Variants in MCM8 observed in about 807,000 individuals in gnomAD.
MCM8 encodes minichromosome maintenance 8 homologous recombination repair factor.
MCM8 carries 85 observed loss-of-function variants against 98.9 expected under a neutral mutation model. The observed-to-expected ratio is 0.86, with a 90% confidence interval of 0.72 to 1.03. The LOEUF is 1.03. MCM8 is among the 50% of genes least tolerant of loss of function. The probability of loss-of-function intolerance (pLI) is 0.00; values close to 1 mark genes in which losing one functional copy is unlikely to be tolerated. For synonymous variants in MCM8, 352 were observed against 338.6 expected (o/e 1.04, Z -0.44); for missense variants, 951 against 997.8 (o/e 0.95, Z 0.63).
At chr20:5,968,491 C>T (rs538540711) in intron 10 of MCM8, among the ~76,000 whole-genome samples, 1 of 152,190 alleles carries the variant, frequency 6.6e-6, no homozygotes, top group African/African-American at 2.4e-5. Context: ...TTGCAGTGAG[C>T]CAAGATCGTG....
chr20:5,975,806 T>TC (rs1464776103), intron 12 of MCM8, among the ~76,000 whole-genome samples: 27 of 152,134 alleles, frequency 1.8e-4, no homozygotes, highest in African/African-American at 6.5e-4. Flanking sequence ...TTTTTTTTTT[T>TC]TTAATAAATG....
intron 5 of MCM8, among the ~76,000 whole-genome samples, chr20:5,956,904 G>A (rs982090698): frequency 6.6e-6 from 1 of 151,952 alleles, no homozygotes; most frequent in African/African-American, 2.4e-5. Flanking sequence ...TAGCAGACTG[G>A]GATGCTGGAG....
chr20:5,959,106 C>A (rs948394744), intron 7 of MCM8, among the ~76,000 whole-genome samples: 1 of 151,746 alleles, frequency 6.6e-6, no homozygotes, highest in Non-Finnish European at 1.5e-5. Context: ...GTTTTTTTTC[C>A]CCTTTATTTC....
rs957723882 is a variant in MCM8, at chr20:5,998,285, A to T, written c.*3894A>T. 6.6e-6 allele frequency: 1 copy of T among 152,124 alleles called. No homozygotes were observed. Among genetic ancestry groups the T allele is most frequent in the African/African-American group, 2.4e-5 (1 of 41,438 alleles). 9.4% of individuals were successfully genotyped at this position (152,124 alleles called of 1,614,324 possible). ...GGGGCTGGAAGGTGAGAAAATAACCACATTTCCCAGACTCCCTTTGCAGGT... is the reference window on the plus strand; with the variant it reads ...GGGGCTGGAAGGTGAGAAAATAACCTCATTTCCCAGACTCCCTTTGCAGGT... On this transcript the variant is annotated 3_prime_UTR_variant, in exon 19 of 19. Coordinates refer to ENST00000610722, the MANE Select transcript of MCM8 (RefSeq NM_032485.6).
In MCM8 at chr20:5,994,486, C is replaced by G. The variant is rs1286284340; in HGVS notation, c.*95C>G. 74 of 504,870 alleles carry G rather than the reference C, an allele frequency of 1.5e-4. No homozygotes were observed. Among genetic ancestry groups the G allele is most frequent in the Admixed American group, 2.1e-4 (6 of 28,360 alleles). The allele number at this position is 504,870 out of a possible 1,614,324, so 31.3% of individuals were successfully genotyped here. On this transcript the variant is annotated 3_prime_UTR_variant, in exon 19 of 19. Transcript: ENST00000610722. ...GCACGCACAGACAGACAGACACACACACACACACACACACACACACACACA... is the reference window on the plus strand; with the variant it reads ...GCACGCACAGACAGACAGACACACAGACACACACACACACACACACACACA...
rs745340246 is a variant in MCM8, at chr20:5,995,752, A to G, written c.*1361A>G. The G allele has an allele frequency of 2.6e-5, 4 of 152,228 alleles. No homozygotes were observed. The highest frequency in any genetic ancestry group is 5.9e-5 in the Non-Finnish European group (4 of 68,042). 9.4% of individuals were successfully genotyped at this position (152,228 alleles called of 1,614,324 possible). ...ATGTTACAGGGTTGCCAGCCAAACT[A>G]TCAATCATGTATAAATCCAACAAAC... On this transcript the variant is annotated 3_prime_UTR_variant, in exon 19 of 19. Transcript: ENST00000610722.
intron 13 of MCM8, among the ~76,000 whole-genome samples, chr20:5,981,806 G>A (rs2089635836): frequency 6.6e-6 from 1 of 152,168 alleles, no homozygotes; most frequent in Non-Finnish European, 1.5e-5. Context: ...AGTGTTTCAT[G>A]TTTGATAAGA....
intron 12 of MCM8, among the ~76,000 whole-genome samples, chr20:5,976,299 C>T (rs187949412): frequency 6.6e-6 from 1 of 152,256 alleles, no homozygotes; most frequent in East Asian, 1.9e-4. Flanking sequence ...TGGCATGCTC[C>T]TATAGTCCCA....
rs2089967615 is a variant in MCM8, at chr20:5,997,115, A to C, written c.*2724A>C. ...GCTGATTAAAACAAATCCTAAGTAC[A>C]AATGTCAGAACAGAAACATGCAAAG... On this transcript the variant is annotated 3_prime_UTR_variant, in exon 19 of 19. Coordinates refer to ENST00000610722, the MANE Select transcript of MCM8 (RefSeq NM_032485.6). 6.6e-6 allele frequency: 1 copy of C among 152,522 alleles called. No homozygotes were observed. 9.4% of individuals were successfully genotyped at this position (152,522 alleles called of 1,614,324 possible).
intron 5 of MCM8, among the ~76,000 whole-genome samples, chr20:5,955,968 G>A (rs11087703): frequency 0.06 from 9,152 of 151,864 alleles, 530 homozygotes; most frequent in African/African-American, 0.15. Context: ...GGGGTTTCAC[G>A]ATGTTGGCCA....
chr20:5,955,011 A>G (rs2088937407), intron 4 of MCM8, 91 bp from the exon 5 acceptor site: 3 of 869,828 alleles, frequency 3.4e-6, no homozygotes, highest in Non-Finnish European at 5.3e-6. Flanking sequence ...TAAACATTGT[A>G]TGCTTTCTCA....
chr20:5,967,665 C>T, intron 9 of MCM8, 78 bp downstream of exon 9: 5 of 1,477,126 alleles, frequency 3.4e-6, no homozygotes, highest in Non-Finnish European at 4.6e-6. Context: ...TGCTCCTGAA[C>T]CTCAAATAAT....
chr20:5,971,168 G>C (rs939400207), intron 10 of MCM8, among the ~76,000 whole-genome samples: 4 of 152,096 alleles, frequency 2.6e-5, no homozygotes, highest in Admixed American at 6.5e-5. Context: ...TCTCAGCCAG[G>C]GCTCTTAAGA....
At chr20:5,993,761 C>A (rs1038318437) in intron 18 of MCM8, 66 bp downstream of exon 18, 3 of 1,287,800 alleles carry the variant, frequency 2.3e-6, no homozygotes, top group African/African-American at 1.5e-5. Flanking sequence ...TATAGTAGAA[C>A]AGAAACAGTT....
chr20:5,977,884 C>A lies in MCM8; in HGVS notation c.1404C>A (p.Cys468Ter). ...LGKSQMLQAACNVAPRGVYVC... is the reference protein window; with the variant it reads ...LGKSQMLQAA ...ACTTTTTGTTTCCTTAGGCAGCGTG[C>A]AATGTTGCCCCACGTGGCGTGTATG... The change falls in exon 13 of 19, where the codon TGC (cysteine) becomes TGA (stop). Residue 468 changes from cysteine (C) to a stop codon, truncating the protein, a stop_gained. Coordinates refer to ENST00000610722, the MANE Select transcript of MCM8 (RefSeq NM_032485.6). LOFTEE classifies it high-confidence loss of function. The A allele has an allele frequency of 1.9e-6, 3 of 1,614,034 alleles. No individual in the cohort carries two copies. The Admixed American group carries it at 5.0e-5, about 27-fold the overall frequency.
chr20:5,963,534 T>C (rs1273622230), intron 8 of MCM8, among the ~76,000 whole-genome samples, 175 bp downstream of exon 8: 2 of 147,168 alleles, frequency 1.4e-5, no homozygotes, highest in South Asian at 2.2e-4. Context: ...TCTTTTTTTT[T>C]TTTTTTTTTT....
At chr20:5,985,849 A>C in intron 15 of MCM8, 73 bp from the exon 16 acceptor site, 1 of 1,530,890 alleles carries the variant, frequency 6.5e-7, no homozygotes. Context: ...CCTGGCCTAA[A>C]CAAGTTATTT....
At chr20:5,954,396 A>G (rs1353896901) in intron 3 of MCM8, among the ~76,000 whole-genome samples, 1 of 152,194 alleles carries the variant, frequency 6.6e-6, no homozygotes, top group Admixed American at 6.5e-5. Context: ...TTAGAGAGAG[A>G]GAGTTTCTGT....
intron 12 of MCM8, 98 bp from the exon 13 acceptor site, chr20:5,977,778 A>G (rs1279403195): frequency 7.7e-7 from 1 of 1,290,996 alleles, no homozygotes; most frequent in Non-Finnish European, 1.1e-6. Flanking sequence ...AGCTCTTAAA[A>G]GAATACCTAG....
Sources: allele counts gnomAD v4.1 joint callset (sites outside exome capture counted in the v4.1 genomes callset), GRCh38; gene constraint gnomAD v4.1.1; transcripts MANE v1.5; gene names NCBI Gene and HGNC (gene_info 2026-07-23, HGNC 2026-07-21).